PAK3: variants seen among roughly 807,000 people sequenced by gnomAD.
The protein encoded by PAK3 is p21 (RAC1) activated kinase 3.
In PAK3, 4 loss-of-function variants were observed where a neutral mutation model predicts 41.0. The observed-to-expected ratio is 0.10, with a 90% CI of 0.05 to 0.22. The LOEUF (loss-of-function observed/expected upper bound fraction) is 0.22. Ranked by LOEUF, PAK3 falls within the 10% of genes least tolerant of loss-of-function variation. The probability of loss-of-function intolerance (pLI) is 1.00; values close to 1 mark genes in which losing one functional copy is unlikely to be tolerated. For missense variants in PAK3, 205 were observed against 409.9 expected (o/e 0.50, Z 4.32); for synonymous variants, 146 against 139.6 (o/e 1.05, Z -0.32).
At position 111,196,428 on chromosome X, in the gene PAK3, C is replaced by T; in HGVS notation, c.1211-16C>T. On this transcript the variant is annotated splice_polypyrimidine_tract_variant and intron_variant, in intron 15 of 17. Transcript: ENST00000372007. ...AATAATTTGGGCTTATTTTAACTGGCTTTTCTTCTCTGCAGCTGACTTTGG... is the reference window on the plus strand; with the variant it reads ...AATAATTTGGGCTTATTTTAACTGGTTTTTCTTCTCTGCAGCTGACTTTGG... 8.4e-7 allele frequency: 1 copy of T among 1,195,260 alleles called. No homozygotes were observed. Among genetic ancestry groups the T allele is most frequent in the Non-Finnish European group, 1.1e-6 (1 of 880,528 alleles).
intron 16 of PAK3, among the ~76,000 whole-genome samples, chrX:111,201,846 A>G (rs2094687429): frequency 9.0e-6 from 1 of 110,903 alleles, no homozygotes; most frequent in South Asian, 3.8e-4. Flanking sequence ...GTATATATTT[A>G]TATATATGAA....
intron 16 of PAK3, among the ~76,000 whole-genome samples, chrX:111,205,304 C>T (rs971264762): frequency 7.2e-5 from 8 of 110,440 alleles, no homozygotes; most frequent in African/African-American, 2.6e-4. Flanking sequence ...TTCTGTCTTG[C>T]GCCATCACAT....
At chrX:111,202,269 C>G (rs937093263) in intron 16 of PAK3, among the ~76,000 whole-genome samples, 7 of 111,452 alleles carry the variant, frequency 6.3e-5, no homozygotes, top group African/African-American at 1.3e-4. Flanking sequence ...TGTTGCTATA[C>G]TAATTGACCT....
chrX:111,144,842 T>C, intron 6 of PAK3: 1 of 1,057,059 alleles, frequency 9.5e-7, no homozygotes, highest in Non-Finnish European at 1.3e-6. Context: ...ATTGCCATTT[T>C]TGTCCCAAAT....
chrX:111,096,033 A>T (rs759430846), upstream of PAK3, among the ~76,000 whole-genome samples: 43 of 110,245 alleles, frequency 3.9e-4, no homozygotes, highest in African/African-American at 1.4e-3. Context: ...TCCCCCTCCC[A>T]GGCGCTTCCT....
At position 111,127,182 on chromosome X, in the gene PAK3, T is replaced by G. The variant is rs374260262; in HGVS notation, c.175+3904T>G. ...TTCCTACATTTATGCAAAGTATTTGTAAATATCATTTTCAATGGTGTATAA... is the reference window on the plus strand; with the variant it reads ...TTCCTACATTTATGCAAAGTATTTGGAAATATCATTTTCAATGGTGTATAA... On this transcript the variant is annotated intron_variant, in intron 5 of 17. Transcript: ENST00000372007. Among the ~76,000 whole-genome samples, 7 of 112,133 alleles carry G rather than the reference T, an allele frequency of 6.2e-5. No homozygotes were observed. The East Asian group carries it at 1.4e-3, about 23-fold the overall frequency.
intron 4 of PAK3, among the ~76,000 whole-genome samples, chrX:111,121,395 A>G (rs866861967): frequency 2.7e-5 from 3 of 112,266 alleles, no homozygotes; most frequent in Non-Finnish European, 5.6e-5. Flanking sequence ...ATTAATTGAT[A>G]GTAACCTATT....
intron 16 of PAK3, among the ~76,000 whole-genome samples, chrX:111,200,701 C>T (rs2094672923): frequency 8.9e-6 from 1 of 111,879 alleles, no homozygotes; most frequent in Non-Finnish European, 1.9e-5. Flanking sequence ...GATTTCCTCC[C>T]CTAAGTCTTT....
chrX:111,139,126 G>C (rs1240750776), intron 5 of PAK3, among the ~76,000 whole-genome samples: 1 of 111,425 alleles, frequency 9.0e-6, no homozygotes, highest in Non-Finnish European at 1.9e-5. Context: ...GTTATTTGTG[G>C]GGATGAAGAG....
chrX:111,138,964 CCAAA>C (rs771842943), intron 5 of PAK3, among the ~76,000 whole-genome samples: 39 of 109,277 alleles, frequency 3.6e-4, no homozygotes, highest in African/African-American at 8.4e-4. Context: ...CGAGACTCCA[CCAAA>C]CAAACAAACA....
intron 11 of PAK3, among the ~76,000 whole-genome samples, chrX:111,182,323 A>G (rs1308715560): frequency 9.1e-6 from 1 of 109,624 alleles, no homozygotes; most frequent in Non-Finnish European, 1.9e-5. Flanking sequence ...CTGGCCCCAC[A>G]CCCATAATGT....
At chrX:111,196,699 A>C in intron 16 of PAK3, 59 bp downstream of exon 16, 14 of 860,075 alleles carry the variant, frequency 1.6e-5, no homozygotes, top group Non-Finnish European at 2.4e-5. Context: ...GCCAAATATC[A>C]TTTCTGGCTT....
At chrX:110,999,548 C>T (rs2091808605) in intron 1 of PAK3, among the ~76,000 whole-genome samples, 1 of 110,873 alleles carries the variant, frequency 9.0e-6, no homozygotes, top group Non-Finnish European at 1.9e-5. Context: ...TCAGCCAGAG[C>T]CAGATTGTGA....
intron 1 of PAK3, among the ~76,000 whole-genome samples, chrX:111,006,926 C>T (rs1347158522): frequency 2.0e-5 from 2 of 99,571 alleles, no homozygotes; most frequent in African/African-American, 7.4e-5. Flanking sequence ...CTCACCGAAG[C>T]GTCAACTTTC....
chrX:111,020,312 T>A (rs1482977618), intron 1 of PAK3, among the ~76,000 whole-genome samples: 1 of 112,178 alleles, frequency 8.9e-6, no homozygotes, highest in Non-Finnish European at 1.9e-5. Flanking sequence ...GGACAAATAT[T>A]GTATGATTCC....
intron 1 of PAK3, among the ~76,000 whole-genome samples, chrX:110,973,632 A>G (rs2091259853): frequency 8.9e-6 from 1 of 112,161 alleles, no homozygotes; most frequent in South Asian, 3.7e-4. Context: ...AAAGACCATC[A>G]ATGCTATGAA....
rs1603403768 is a variant in PAK3 at position 111,220,699 on chromosome X, A to G, written c.*252A>G. ...GTGGTCACTTCCACCGTGAAGCGAA[A>G]GAGCCAGTAGTGAATCCCCTCATTT... On this transcript the variant is annotated 3_prime_UTR_variant, in exon 18 of 18. Transcript: ENST00000372007. The G allele has an allele frequency of 8.0e-6, 3 of 377,224 alleles. No individual in the cohort carries two copies. In the East Asian group the frequency reaches 1.3e-4, roughly 16 times the overall value. The allele number at this position is 377,224 out of a possible 1,213,427, so 31.1% of individuals were successfully genotyped here.
Position 111,018,663 on chromosome X carries a change from C to T in PAK3, c.-28+74035C>T, listed in dbSNP as rs764558304. Among the ~76,000 whole-genome samples, 4 of 111,778 alleles carry T rather than the reference C, an allele frequency of 3.6e-5. No homozygotes were observed. The South Asian group carries it at 1.5e-3, about 42-fold the overall frequency. On this transcript the variant is annotated intron_variant, in intron 1 of 14. Transcript: ENST00000425146. ...AAGACTTAACATATTTATGATGTCACTACCCAAAGTGATCTACAGATTCAG... is the reference window on the plus strand; with the variant it reads ...AAGACTTAACATATTTATGATGTCATTACCCAAAGTGATCTACAGATTCAG...
intron 1 of PAK3, among the ~76,000 whole-genome samples, chrX:111,077,115 C>T (rs1056193038): frequency 9.0e-5 from 10 of 111,102 alleles, no homozygotes; most frequent in Admixed American, 5.7e-4. Flanking sequence ...GGTGAGAGAT[C>T]GCTACACTGA....
Sources: allele counts gnomAD v4.1 joint callset (sites outside exome capture counted in the v4.1 genomes callset), GRCh38; gene constraint gnomAD v4.1.1; transcripts MANE v1.5; gene names NCBI Gene and HGNC (gene_info 2026-07-23, HGNC 2026-07-21).